CCSER1: variants seen among roughly 807,000 people sequenced by gnomAD.
CCSER1 encodes coiled-coil serine rich protein 1.
CCSER1 carries 41 observed loss-of-function variants against 82.0 expected under a neutral mutation model. The ratio of observed to expected loss-of-function variants is 0.50; its 90% CI spans 0.39 to 0.65. CCSER1 has a LOEUF of 0.65. Among genes scored for constraint, CCSER1 ranks in the 30% least tolerant of loss-of-function variants. The pLI, the probability that CCSER1 is intolerant of heterozygous loss-of-function variation, is 0.00. For synonymous variants in CCSER1, 414 were observed against 383.9 expected, an observed-to-expected ratio of 1.08 and a Z score of -0.92; for missense variants, 1,119 against 1,064.2, an observed-to-expected ratio of 1.05 and a Z score of -0.72.
intron 9 of CCSER1, among the ~76,000 whole-genome samples, chr4:90,931,157 A>T (rs1005278482): frequency 2.6e-5 from 4 of 151,062 alleles, no homozygotes; most frequent in African/African-American, 9.7e-5. Context: ...TCGTCTATTA[A>T]TACACACACA....
At chr4:91,134,781 G>A (rs2214385) in intron 10 of CCSER1, among the ~76,000 whole-genome samples, 54,368 of 151,904 alleles carry the variant, frequency 0.36, 10,974 homozygotes, top group Non-Finnish European at 0.46. Flanking sequence ...ACTCCTCCTG[G>A]CCAGGCGCGG....
intron 5 of CCSER1, among the ~76,000 whole-genome samples, chr4:90,544,064 C>T (rs1380231957): frequency 6.6e-6 from 1 of 152,108 alleles, no homozygotes; most frequent in South Asian, 2.1e-4. Context: ...CCCTGAGCCC[C>T]AATTCCCAGG....
intron 9 of CCSER1, among the ~76,000 whole-genome samples, chr4:91,072,251 C>G (rs1307913342): frequency 6.6e-6 from 1 of 152,106 alleles, no homozygotes; most frequent in Non-Finnish European, 1.5e-5. Context: ...CAGACACACT[C>G]TATGAAATGT....
intron 10 of CCSER1, among the ~76,000 whole-genome samples, chr4:91,442,401 G>T (rs979260404): frequency 6.6e-6 from 1 of 150,458 alleles, no homozygotes; most frequent in Non-Finnish European, 1.5e-5. Context: ...AATGGTGCTG[G>T]GAAAACTGGC....
At position 91,413,065 on chromosome 4, in the gene CCSER1, G is replaced by A. The variant is rs564723668; in HGVS notation, c.2218-185507G>A. ...AAGAAACCCAAACAGAAATCCTGGA[G>A]CTAAAAAATACAATGATAGAAATTT... On this transcript the variant is annotated intron_variant, in intron 10 of 10. Transcript: ENST00000509176. Among the ~76,000 whole-genome samples the A allele has an allele frequency of 3.1e-3, 476 of 152,172 alleles. 5 individuals carry two copies. Among genetic ancestry groups the A allele is most frequent in the African/African-American group, 0.01 (435 of 41,546 alleles).
chr4:90,737,977 A>G (rs752284248), intron 7 of CCSER1, among the ~76,000 whole-genome samples: 1 of 152,122 alleles, frequency 6.6e-6, no homozygotes, highest in Admixed American at 6.5e-5. Flanking sequence ...AATTTATGTG[A>G]TAGGTTCTGA....
At chr4:90,258,809 C>A (rs936976921) in intron 1 of CCSER1, among the ~76,000 whole-genome samples, 1 of 152,112 alleles carries the variant, frequency 6.6e-6, no homozygotes, top group Non-Finnish European at 1.5e-5. Context: ...CTCACCTAAG[C>A]AGTGTACACT....
At chr4:90,334,950 T>C (rs1740100362) in intron 3 of CCSER1, among the ~76,000 whole-genome samples, 2 of 152,124 alleles carry the variant, frequency 1.3e-5, no homozygotes, top group Non-Finnish European at 2.9e-5. Context: ...GTCTTGCACA[T>C]AGGGTAGTGT....
intron 6 of CCSER1, among the ~76,000 whole-genome samples, chr4:90,711,936 T>C (rs981667971): frequency 5.9e-5 from 9 of 152,010 alleles, no homozygotes; most frequent in African/African-American, 2.2e-4. Context: ...TCTGGTAGAA[T>C]TCAGCTGTGA....
chr4:90,669,564 G>C (rs1041078765), intron 6 of CCSER1, among the ~76,000 whole-genome samples: 2 of 152,032 alleles, frequency 1.3e-5, no homozygotes, highest in African/African-American at 4.8e-5. Flanking sequence ...TGCTTGATAA[G>C]TTTGGTTATG....
At chr4:90,286,705 T>C (rs1729965683) in intron 1 of CCSER1, among the ~76,000 whole-genome samples, 1 of 152,040 alleles carries the variant, frequency 6.6e-6, no homozygotes, top group Non-Finnish European at 1.5e-5. Flanking sequence ...CTTAACATTC[T>C]ATATTTATTT....
At chr4:91,583,464 C>T (rs1763831145) in intron 10 of CCSER1, among the ~76,000 whole-genome samples, 1 of 151,250 alleles carries the variant, frequency 6.6e-6, no homozygotes, top group African/African-American at 2.4e-5. Flanking sequence ...TGTTTCCTTC[C>T]ACTCCTGAGT....
At chr4:90,540,667 G>A (rs1008806517) in intron 5 of CCSER1, among the ~76,000 whole-genome samples, 2 of 152,068 alleles carry the variant, frequency 1.3e-5, no homozygotes, top group Admixed American at 6.6e-5. Context: ...TTTAAATCTA[G>A]GTGTGAGGTT....
chr4:90,756,279 A>G (rs896538888), intron 7 of CCSER1, among the ~76,000 whole-genome samples: 2 of 152,160 alleles, frequency 1.3e-5, no homozygotes, highest in African/African-American at 4.8e-5. Context: ...CATTTAATAG[A>G]AAATTGTTTA....
At chr4:90,901,669 TTTC>T (rs1173600639) in intron 8 of CCSER1, among the ~76,000 whole-genome samples, 3 of 152,074 alleles carry the variant, frequency 2.0e-5, no homozygotes, top group Non-Finnish European at 2.9e-5. Context: ...CTAATGGGAT[TTTC>T]TTTATGGGTA....
At position 90,457,163 on chromosome 4, in the gene CCSER1, G is replaced by T. The variant is rs142945352; in HGVS notation, c.1604-11071G>T. 1.1e-3 allele frequency among the ~76,000 whole-genome samples: 173 copies of T among 152,274 alleles called. 2 individuals are homozygous for T. The East Asian group carries it at 0.029, about 25-fold the overall frequency. ...CCCTGCGAGGCTATGGCTGGACCAGGTGTACCGCAAGTGGCTTCCACTGCA... is the reference window on the plus strand; with the variant it reads ...CCCTGCGAGGCTATGGCTGGACCAGTTGTACCGCAAGTGGCTTCCACTGCA... On this transcript the variant is annotated intron_variant, in intron 4 of 10. Transcript: ENST00000509176.
chr4:90,780,572 T>C (rs897702910), intron 7 of CCSER1: 6 of 1,527,546 alleles, frequency 3.9e-6, no homozygotes, highest in Non-Finnish European at 5.3e-6. Context: ...ACTCTTTCCA[T>C]CCAGTTCTCT....
chr4:90,546,677 TA>T (rs1240139772), intron 5 of CCSER1, among the ~76,000 whole-genome samples: 1 of 152,136 alleles, frequency 6.6e-6, no homozygotes, highest in African/African-American at 2.4e-5. Context: ...AAATTTCCTA[TA>T]AAAGATACTG....
At chr4:90,698,918 A>T (rs1737494059) in intron 6 of CCSER1, among the ~76,000 whole-genome samples, 1 of 152,098 alleles carries the variant, frequency 6.6e-6, no homozygotes, top group African/African-American at 2.4e-5. Flanking sequence ...CAGCCTGGGC[A>T]ACATAGTGGG....
Sources: gnomAD v4.1 joint callset for allele counts (sites outside exome capture counted in the v4.1 genomes callset) on GRCh38, gnomAD v4.1.1 for gene constraint, MANE v1.5 for transcripts, NCBI Gene and HGNC (gene_info 2026-07-23, HGNC 2026-07-21) for gene names.